The following SMIM36 variants were observed in gnomAD, a reference collection of about 807,000 sequenced individuals.
SMIM36 encodes small integral membrane protein 36.
chr17:55,468,590 A>G (rs1168956757), intron 3 of SMIM36, among the ~76,000 whole-genome samples: 1 of 152,028 alleles, frequency 6.6e-6, no homozygotes, highest in Non-Finnish European at 1.5e-5. Flanking sequence ...CCCACTCACC[A>G]CATTCCCTTG....
the SMIM36 span, among the ~76,000 whole-genome samples, chr17:55,517,230 GA>G: frequency 6.6e-6 from 1 of 152,184 alleles, no homozygotes; most frequent in African/African-American, 2.4e-5. Context: ...GAGTTTCTAA[GA>G]CTCTGAAATA....
chr17:55,513,335 G>T (rs1259738792), upstream of SMIM36, among the ~76,000 whole-genome samples: 1 of 152,206 alleles, frequency 6.6e-6, no homozygotes, highest in Non-Finnish European at 1.5e-5. Context: ...ATTCCAGGGG[G>T]CATTCAACAC....
upstream of SMIM36, chr17:55,511,567 G>A (rs769956170): frequency 2.3e-5 from 7 of 306,416 alleles, no homozygotes; most frequent in South Asian, 3.2e-4. Context: ...TCATCAGTTC[G>A]CCTACACAGA....
intron 1 of SMIM36, among the ~76,000 whole-genome samples, chr17:55,496,952 C>G (rs944297741): frequency 1.3e-5 from 2 of 152,206 alleles, no homozygotes; most frequent in African/African-American, 4.8e-5. Flanking sequence ...GGTTCCTCCT[C>G]TTACAAATCT....
upstream of SMIM36, among the ~76,000 whole-genome samples, chr17:55,511,751 C>T (rs981946100): frequency 4.6e-5 from 7 of 152,144 alleles, no homozygotes; most frequent in African/African-American, 1.7e-4. Flanking sequence ...ATTGTGCTGT[C>T]TTTGTATAAG....
intron 1 of SMIM36, among the ~76,000 whole-genome samples, chr17:55,489,030 T>C (rs1909656356): frequency 6.6e-6 from 1 of 152,186 alleles, no homozygotes; most frequent in Non-Finnish European, 1.5e-5. Context: ...GTAGATACCA[T>C]GGTTATTCAA....
chr17:55,503,702 A>C (rs1210677279), intron 1 of SMIM36, among the ~76,000 whole-genome samples: 4 of 130,398 alleles, frequency 3.1e-5, no homozygotes, highest in East Asian at 2.4e-4. Context: ...TCATAATGAC[A>C]GGATCAAATT....
At chr17:55,477,851 C>T (rs1001047788) in intron 3 of SMIM36, among the ~76,000 whole-genome samples, 1 of 144,708 alleles carries the variant, frequency 6.9e-6, no homozygotes, top group African/African-American at 2.6e-5. Flanking sequence ...GAACCTATTA[C>T]TTTTTTTTTT....
intron 1 of SMIM36, among the ~76,000 whole-genome samples, chr17:55,494,698 ACACT>A (rs1464235851): frequency 1.4e-4 from 21 of 151,900 alleles, no homozygotes; most frequent in African/African-American, 4.6e-4. Context: ...ACACACATAC[ACACT>A]CACACGAGTG....
chr17:55,492,242 C>CTTTTTTTTTTTTTTT (rs770501215), intron 1 of SMIM36, among the ~76,000 whole-genome samples: 6 of 111,286 alleles, frequency 5.4e-5, no homozygotes, highest in Non-Finnish European at 8.9e-5. Flanking sequence ...TTCTTTCTTT[C>CTTTTTTTTTTTTTTT]TTTTTTTTTT....
intron 1 of SMIM36, among the ~76,000 whole-genome samples, chr17:55,501,888 G>T (rs551239575): frequency 3.6e-5 from 3 of 84,120 alleles, no homozygotes; most frequent in Non-Finnish European, 6.5e-5. Context: ...TGCGCGAGCC[G>T]AAGCAAGGCA....
At chr17:55,515,101 T>C (rs1910249937), upstream of SMIM36, among the ~76,000 whole-genome samples, 1 of 144,860 alleles carries the variant, frequency 6.9e-6, no homozygotes. Flanking sequence ...TTTTTTTTTT[T>C]TTTTTTTTTT....
chr17:55,459,353 T>G (rs1266241585), intron 4 of SMIM36, among the ~76,000 whole-genome samples: 4 of 152,134 alleles, frequency 2.6e-5, no homozygotes, highest in Admixed American at 6.5e-5. Context: ...AGGTCCTAGA[T>G]TTTTTTTGTT....
At chr17:55,498,411 C>A (rs997834655) in intron 1 of SMIM36, among the ~76,000 whole-genome samples, 6 of 152,096 alleles carry the variant, frequency 3.9e-5, no homozygotes, top group African/African-American at 1.2e-4. Context: ...CCTCAACACC[C>A]CCATAAATGT....
chr17:55,499,406 A>G (rs576537205), intron 1 of SMIM36, among the ~76,000 whole-genome samples: 54 of 152,290 alleles, frequency 3.5e-4, no homozygotes, highest in Middle Eastern at 6.8e-3. Flanking sequence ...TCTTACATGG[A>G]TAAACTGCAT....
chr17:55,471,932 A>G (rs935318868), intron 3 of SMIM36, among the ~76,000 whole-genome samples: 3 of 152,178 alleles, frequency 2.0e-5, no homozygotes, highest in African/African-American at 7.2e-5. Context: ...CTTACCCTCT[A>G]TAGTTCTCAC....
At chr17:55,520,232 T>A in the SMIM36 span, among the ~76,000 whole-genome samples, 1 of 152,214 alleles carries the variant, frequency 6.6e-6, no homozygotes, top group Non-Finnish European at 1.5e-5. Context: ...ATACATGTGA[T>A]GGCATTTTGA....
chr17:55,525,393 A>G, the SMIM36 span, among the ~76,000 whole-genome samples: 1 of 152,142 alleles, frequency 6.6e-6, no homozygotes, highest in South Asian at 2.1e-4. Flanking sequence ...CATCTTTAAT[A>G]CCAAGTCCAA....
chr17:55,497,516 C>G (rs528009717), intron 1 of SMIM36, among the ~76,000 whole-genome samples: 1 of 152,084 alleles, frequency 6.6e-6, no homozygotes. Flanking sequence ...CTGCCCGCCT[C>G]GGCCTCCCAA....
Sources: gnomAD v4.1 joint callset for allele counts (sites outside exome capture counted in the v4.1 genomes callset) on GRCh38, gnomAD v4.1.1 for gene constraint, MANE v1.5 for transcripts, NCBI Gene and HGNC (gene_info 2026-07-23, HGNC 2026-07-21) for gene names.